Variants in TTC4 observed in about 807,000 individuals in gnomAD.
TTC4 encodes tetratricopeptide repeat domain 4.
TTC4 carries 36 observed loss-of-function variants against 51.9 expected under a neutral mutation model. The ratio of observed to expected loss-of-function variants is 0.69; its 90% confidence interval spans 0.53 to 0.92. The LOEUF (loss-of-function observed/expected upper bound fraction) is 0.92, where lower values mean the gene tolerates loss of function less well. Ranked by LOEUF, TTC4 falls within the 40% of genes least tolerant of loss-of-function variation. TTC4 has a pLI of 0.00. For missense variants in TTC4, 399 were observed against 454.6 expected, an observed-to-expected ratio of 0.88 and a Z score of 1.11; for synonymous variants, 144 against 164.2, an observed-to-expected ratio of 0.88 and a Z score of 0.94.
At chr1:54,735,611 T>C (rs1332981328) in intron 8 of TTC4, among the ~76,000 whole-genome samples, 2 of 152,196 alleles carry the variant, frequency 1.3e-5, no homozygotes, top group African/African-American at 4.8e-5. Context: ...ATTTGTCCCA[T>C]TACTCATGAT....
intron 9 of TTC4, among the ~76,000 whole-genome samples, chr1:54,739,402 C>T (rs1267771833): frequency 6.6e-6 from 1 of 152,222 alleles, no homozygotes; most frequent in African/African-American, 2.4e-5. Flanking sequence ...CGCTGCCTCT[C>T]TGGGACTGCC....
At chr1:54,720,943 G>A (rs999819523) in intron 3 of TTC4, among the ~76,000 whole-genome samples, 2 of 151,516 alleles carry the variant, frequency 1.3e-5, no homozygotes, top group African/African-American at 2.4e-5. Context: ...GATGTTGAAC[G>A]TCTTTTCATG....
chr1:54,736,257 A>T (rs1228458576), intron 8 of TTC4, among the ~76,000 whole-genome samples: 4,800 of 126,856 alleles, frequency 0.038, 598 homozygotes, highest in African/African-American at 0.099. Flanking sequence ...GAGAGAGGAG[A>T]GAGAGAGAGA....
rs56941240 is a variant in TTC4, at chr1:54,733,418, C to CA, written c.897-199dup. On this transcript the variant is annotated intron_variant, in intron 7 of 9. Transcript: ENST00000371281. ...AGGGTGACAGAGCGAGACCCTGTCTCAAAAAAAAAAAATAAAATAAAATAA... is the reference window on the plus strand; with the variant it reads ...AGGGTGACAGAGCGAGACCCTGTCTCAAAAAAAAAAAAATAAAATAAAATAA... Among the ~76,000 whole-genome samples the CA allele has an allele frequency of 3.2e-3, 388 of 121,030 alleles. 1 individual carries two copies. Among genetic ancestry groups the CA allele is most frequent in the Middle Eastern group, 4.7e-3 (1 of 214 alleles). The allele number at this position is 121,030 out of a possible 152,430, so 79.4% of individuals were successfully genotyped here. A position where few individuals can be genotyped will look rare whatever the true frequency, so the allele number is the denominator to read the frequency against.
rs889603329 is a variant in TTC4, at chr1:54,737,338, T to C, written c.979-244T>C. The C allele has an allele frequency of 8.1e-5, 36 of 442,468 alleles. 1 individual carries two copies. The highest frequency in any genetic ancestry group is 1.3e-4 in the Non-Finnish European group (32 of 243,758). The allele number at this position is 442,468 out of a possible 1,614,324, so 27.4% of individuals were successfully genotyped here. A position where few individuals can be genotyped will look rare whatever the true frequency, so the allele number is the denominator to read the frequency against. On this transcript the variant is annotated intron_variant, in intron 8 of 9. Transcript: ENST00000371281. ...ATTCTTCTGTTTACCAGCAGGGTAA[T>C]GTTGGCAAGTTGTTGTTCTTCTCTG...
At chr1:54,720,370 C>G (rs1318445298) in intron 3 of TTC4, among the ~76,000 whole-genome samples, 1 of 151,028 alleles carries the variant, frequency 6.6e-6, no homozygotes, top group Non-Finnish European at 1.5e-5. Context: ...TTATAGTATA[C>G]TCCAGAAAGT....
intron 9 of TTC4, among the ~76,000 whole-genome samples, chr1:54,738,026 G>C (rs1160895274): frequency 6.6e-6 from 1 of 152,118 alleles, no homozygotes; most frequent in Non-Finnish European, 1.5e-5. Context: ...TCAGCCTCCT[G>C]AGTAGTTGGG....
At chr1:54,720,631 A>G (rs2101303406) in intron 3 of TTC4, among the ~76,000 whole-genome samples, 1 of 152,154 alleles carries the variant, frequency 6.6e-6, no homozygotes, top group African/African-American at 2.4e-5. Flanking sequence ...ATTCAATAGT[A>G]TGGATTTACC....
At chr1:54,734,091 A>C (rs915326941) in intron 8 of TTC4, among the ~76,000 whole-genome samples, 6 of 152,146 alleles carry the variant, frequency 3.9e-5, no homozygotes, top group African/African-American at 1.4e-4. Context: ...TAAATTTTTG[A>C]GACGGAGTCT....
chr1:54,731,927 A>G (rs183441152), intron 7 of TTC4, among the ~76,000 whole-genome samples: 156 of 152,342 alleles, frequency 1.0e-3, no homozygotes, highest in Non-Finnish European at 2.0e-3. Flanking sequence ...GGGCTAGTAC[A>G]TGCAACACCA....
intron 5 of TTC4, among the ~76,000 whole-genome samples, chr1:54,725,218 C>T (rs1279856467): frequency 2.0e-5 from 3 of 152,022 alleles, no homozygotes; most frequent in Non-Finnish European, 2.9e-5. Flanking sequence ...GTATAAAAAG[C>T]TTTTTTACAT....
intron 7 of TTC4, among the ~76,000 whole-genome samples, chr1:54,733,181 C>G (rs1389974681): frequency 6.6e-6 from 1 of 151,544 alleles, no homozygotes; most frequent in African/African-American, 2.4e-5. Context: ...CTTTGGGAGG[C>G]TGAGGCAGGA....
chr1:54,727,736 C>T (rs1925658), intron 5 of TTC4, among the ~76,000 whole-genome samples: 17,580 of 143,640 alleles, frequency 0.12, 1,740 homozygotes, highest in African/African-American at 0.27. Flanking sequence ...GAATGGAAGA[C>T]AATATTGGTA....
chr1:54,734,394 A>G (rs1645909682), intron 8 of TTC4, among the ~76,000 whole-genome samples: 1 of 143,144 alleles, frequency 7.0e-6, no homozygotes, highest in Non-Finnish European at 1.5e-5. Flanking sequence ...CTTTTTATTT[A>G]TTTTTATTTT....
At chr1:54,720,530 A>G (rs1199577196) in intron 3 of TTC4, among the ~76,000 whole-genome samples, 1 of 147,688 alleles carries the variant, frequency 6.8e-6, no homozygotes, top group Admixed American at 6.9e-5. Context: ...CTCTATACTC[A>G]TAGAACCACC....
intron 4 of TTC4, among the ~76,000 whole-genome samples, 198 bp downstream of exon 4, chr1:54,721,438 C>T (rs1230414651): frequency 1.3e-5 from 2 of 151,988 alleles, no homozygotes; most frequent in Non-Finnish European, 2.9e-5. Flanking sequence ...AACTAGAAGC[C>T]CCTCATTTTA....
intron 8 of TTC4, chr1:54,737,304 T>C (rs1645957616): frequency 2.8e-6 from 1 of 354,844 alleles, no homozygotes; most frequent in Non-Finnish European, 5.2e-6. Context: ...GGCCTGGCCT[T>C]GAGTCTTGAT....
chr1:54,741,800 C>T lies in TTC4; in HGVS notation c.*287C>T, dbSNP rs1062701. On this transcript the variant is annotated 3_prime_UTR_variant, in exon 10 of 10. Coordinates refer to ENST00000371281, the MANE Select transcript of TTC4 (RefSeq NM_004623.5). ...TGCTGCAGTTACCACAGCAACTGAC[C>T]TGAGCGGCACCCTGGTCTGTGGAGA... 1 of 451,952 alleles carries T rather than the reference C, an allele frequency of 2.2e-6. No homozygotes were observed. Among genetic ancestry groups the T allele is most frequent in the East Asian group, 3.9e-5 (1 of 25,318 alleles). The allele number at this position is 451,952 out of a possible 1,614,324, so 28.0% of individuals were successfully genotyped here.
chr1:54,734,174 C>T (rs1285872461), intron 8 of TTC4, among the ~76,000 whole-genome samples: 2 of 151,756 alleles, frequency 1.3e-5, no homozygotes, highest in East Asian at 1.9e-4. Context: ...CAGGTTCAAG[C>T]GATTCTCCTG....
Sources: gnomAD v4.1 joint callset for allele counts (sites outside exome capture counted in the v4.1 genomes callset) on GRCh38, gnomAD v4.1.1 for gene constraint, MANE v1.5 for transcripts, NCBI Gene and HGNC (gene_info 2026-07-23, HGNC 2026-07-21) for gene names.